Variants in CSMD1 observed in about 807,000 individuals in gnomAD.
CSMD1 encodes the protein CUB and Sushi multiple domains 1, also known as CUB and sushi domain-containing protein 1.
Under a neutral mutation model 417.5 loss-of-function variants are expected in CSMD1, and 213 were observed. That is an observed-to-expected ratio of 0.51 (90% CI 0.46 to 0.57). The LOEUF (loss-of-function observed/expected upper bound fraction) is 0.57. Ranked by LOEUF, CSMD1 falls within the 20% of genes least tolerant of loss-of-function variation. The probability of loss-of-function intolerance (pLI) is 0.00; values close to 1 mark genes in which losing one functional copy is unlikely to be tolerated. For synonymous variants in CSMD1, 2,862 were observed against 1,736.8 expected, an observed-to-expected ratio of 1.65 and a Z score of -16.11; for missense variants, 6,923 against 4,529.7, an observed-to-expected ratio of 1.53 and a Z score of -15.17.
chr8:4,261,439 T>A (rs918156124), intron 3 of CSMD1, among the ~76,000 whole-genome samples: 13 of 152,316 alleles, frequency 8.5e-5, no homozygotes, highest in South Asian at 2.1e-4. Flanking sequence ...ATTGTCAAAG[T>A]TTACAAACTT....
At chr8:4,447,778 T>C (rs1798899823) in intron 2 of CSMD1, among the ~76,000 whole-genome samples, 1 of 152,154 alleles carries the variant, frequency 6.6e-6, no homozygotes, top group Non-Finnish European at 1.5e-5. Flanking sequence ...TCAAGTGTTA[T>C]AAAAGGAGAA....
chr8:3,294,471 C>G (rs562895938), intron 25 of CSMD1, among the ~76,000 whole-genome samples: 2 of 152,314 alleles, frequency 1.3e-5, no homozygotes, highest in East Asian at 3.9e-4. Flanking sequence ...TGGGCTCCAC[C>G]CAGTTCAAGC....
At chr8:4,081,003 C>A (rs934761505) in intron 3 of CSMD1, among the ~76,000 whole-genome samples, 1 of 152,086 alleles carries the variant, frequency 6.6e-6, no homozygotes, top group African/African-American at 2.4e-5. Context: ...AGTATTCATC[C>A]CCTTTTCGCC....
chr8:2,974,364 T>G (rs1025868976), intron 56 of CSMD1, 87 bp downstream of exon 56: 1 of 1,264,508 alleles, frequency 7.9e-7, no homozygotes, highest in African/African-American at 1.5e-5. Flanking sequence ...GCTTTTCAAA[T>G]AACTGTAAAT....
chr8:4,291,384 A>T (rs534019375), intron 3 of CSMD1, among the ~76,000 whole-genome samples: 1 of 152,280 alleles, frequency 6.6e-6, no homozygotes, highest in East Asian at 1.9e-4. Context: ...TTATACTTAC[A>T]ACCATGTAAA....
At chr8:4,259,767 G>T (rs533275291) in intron 3 of CSMD1, among the ~76,000 whole-genome samples, 1 of 151,964 alleles carries the variant, frequency 6.6e-6, no homozygotes, top group South Asian at 2.1e-4. Flanking sequence ...CTAAGAAGAA[G>T]AGATTAAAAA....
At chr8:3,274,256 C>T (rs887585787) in intron 26 of CSMD1, among the ~76,000 whole-genome samples, 25 of 151,842 alleles carry the variant, frequency 1.6e-4, no homozygotes, top group Admixed American at 5.3e-4. Context: ...GATTCTTAAT[C>T]CTGAGTTCTA....
intron 3 of CSMD1, among the ~76,000 whole-genome samples, chr8:4,278,845 TA>T (rs1796629146): frequency 6.6e-6 from 1 of 152,294 alleles, no homozygotes; most frequent in East Asian, 1.9e-4. Context: ...AAAAACACTT[TA>T]AATTACATTC....
At chr8:4,636,173 TA>T (rs1250856125) in intron 2 of CSMD1, among the ~76,000 whole-genome samples, 2 of 152,108 alleles carry the variant, frequency 1.3e-5, no homozygotes, top group Non-Finnish European at 2.9e-5. Context: ...CTGTTGGCAT[TA>T]ACATCAGTAA....
rs142658028 is a variant in CSMD1, at chr8:3,918,140, C to G, written c.818+79763G>C. Among the ~76,000 whole-genome samples the G allele has an allele frequency of 4.6e-5, 7 of 152,180 alleles. No homozygotes were observed. The East Asian group carries it at 1.2e-3, about 25-fold the overall frequency. ...TTCCTAATCCTGGCAATTGCTAATA[C>G]TGCTCCAGTAAACATGGGAGTGAAA... On this transcript the variant is annotated intron_variant, in intron 5 of 69. Transcript: ENST00000635120.
At chr8:3,798,079 A>G (rs1157562502) in intron 5 of CSMD1, among the ~76,000 whole-genome samples, 2 of 151,862 alleles carry the variant, frequency 1.3e-5, no homozygotes, top group East Asian at 3.9e-4. Context: ...AAGTATTGTG[A>G]TGATTGAAGT....
At chr8:4,669,193 G>T (rs955425891) in intron 1 of CSMD1, among the ~76,000 whole-genome samples, 1 of 152,060 alleles carries the variant, frequency 6.6e-6, no homozygotes, top group Non-Finnish European at 1.5e-5. Context: ...GCCTTCTCTT[G>T]CTGTCTCTCT....
intron 5 of CSMD1, among the ~76,000 whole-genome samples, chr8:3,996,663 G>C (rs139351130): frequency 2.0e-5 from 3 of 152,240 alleles, no homozygotes; most frequent in Admixed American, 6.5e-5. Context: ...TAAGCAGATT[G>C]GTCCTGGCTA....
chr8:3,918,553 G>A (rs946686896), intron 5 of CSMD1, among the ~76,000 whole-genome samples: 2 of 152,044 alleles, frequency 1.3e-5, no homozygotes, highest in African/African-American at 4.8e-5. Flanking sequence ...TTCTATTGAA[G>A]TATATGCATT....
At chr8:3,981,487 T>A (rs534360631) in intron 5 of CSMD1, among the ~76,000 whole-genome samples, 8 of 115,006 alleles carry the variant, frequency 7.0e-5, no homozygotes, top group Non-Finnish European at 1.2e-4. Context: ...CTCCAATAAC[T>A]TATAGAAAAA....
Position 3,621,341 on chromosome 8 carries a change from C to A in CSMD1, c.1010-4544G>T, listed in dbSNP as rs148400723. ...AACTGTATGTTGCCCACAAGAGACT[C>A]ACTTTAGGCGTAAGGACACAAAGAG... is the stretch of plus-strand genomic sequence containing the variant. On this transcript the variant is annotated intron_variant, in intron 7 of 69. Transcript: ENST00000635120. Among the ~76,000 whole-genome samples the A allele has an allele frequency of 2.5e-4, 38 of 152,228 alleles. No homozygotes were observed. In the East Asian group the frequency reaches 7.3e-3, roughly 29 times the overall value.
chr8:4,259,494 G>T (rs926766590), intron 3 of CSMD1, among the ~76,000 whole-genome samples: 1 of 151,230 alleles, frequency 6.6e-6, no homozygotes, highest in East Asian at 1.9e-4. Flanking sequence ...CATACATAAA[G>T]TTTATGGCCC....
At position 4,767,556 on chromosome 8, in the gene CSMD1, T is replaced by G. The variant is rs1470358217; in HGVS notation, c.86-129998A>C. ...TATCTCACCATCCTGTCCTGTGTGT[T>G]CTGGGGCCTCTCCTCCCTTTCCGCA... On this transcript the variant is annotated intron_variant, in intron 1 of 69. Coordinates refer to ENST00000635120, the MANE Select transcript of CSMD1 (RefSeq NM_033225.6). 2.0e-5 allele frequency among the ~76,000 whole-genome samples: 3 copies of G among 152,154 alleles called. 1 individual carries two copies. Among genetic ancestry groups the G allele is most frequent in the African/African-American group, 7.2e-5 (3 of 41,426 alleles).
chr8:4,458,475 G>A (rs1157784967), intron 2 of CSMD1, among the ~76,000 whole-genome samples: 1 of 152,066 alleles, frequency 6.6e-6, no homozygotes, highest in Non-Finnish European at 1.5e-5. Flanking sequence ...AACTACTATT[G>A]CTAAGCATGC....
Sources: gnomAD v4.1 joint callset for allele counts (sites outside exome capture counted in the v4.1 genomes callset) on GRCh38, gnomAD v4.1.1 for gene constraint, MANE v1.5 for transcripts, NCBI Gene and HGNC (gene_info 2026-07-23, HGNC 2026-07-21) for gene names.